The following OLFML2B variants were observed in gnomAD, a reference collection of about 807,000 sequenced individuals.
OLFML2B encodes the protein olfactomedin like 2B.
OLFML2B carries 57 observed loss-of-function variants against 74.9 expected under a neutral mutation model. The ratio of observed to expected loss-of-function variants is 0.76; its 90% CI spans 0.61 to 0.95. OLFML2B has a LOEUF of 0.95. OLFML2B is among the 40% of genes least tolerant of loss of function. The pLI is 0.00. For missense variants in OLFML2B, 986 were observed against 970.6 expected, an observed-to-expected ratio of 1.02 and a Z score of -0.21; for synonymous variants, 388 against 405.8, an observed-to-expected ratio of 0.96 and a Z score of 0.53.
chr1:162,022,980 A>C (rs184111868), intron 1 of OLFML2B, among the ~76,000 whole-genome samples: 1 of 152,190 alleles, frequency 6.6e-6, no homozygotes, highest in African/African-American at 2.4e-5. Flanking sequence ...AACCAAAAAC[A>C]ACTTTGTTTT....
chr1:162,006,711 A>C (rs1690244749), intron 3 of OLFML2B, among the ~76,000 whole-genome samples: 1 of 152,214 alleles, frequency 6.6e-6, no homozygotes, highest in Non-Finnish European at 1.5e-5. Context: ...AATACTGCCC[A>C]AACTACCATA....
chr1:161,989,018 T>C (rs184901286), intron 6 of OLFML2B, among the ~76,000 whole-genome samples: 1 of 152,308 alleles, frequency 6.6e-6, no homozygotes, highest in East Asian at 1.9e-4. Context: ...AACTCAGCAC[T>C]GAGTAACATC....
Position 161,997,816 on chromosome 1 carries a change from T to C in OLFML2B, c.1474+9A>G, listed in dbSNP as rs755139709. 1.9e-6 allele frequency: 3 copies of C among 1,603,200 alleles called. No homozygotes were observed. The African/African-American group carries it at 4.0e-5, about 21-fold the overall frequency. ...ATCAGGAGACCAAGGCCAGGTACAA[T>C]GAACTTACCTATGACATTCCGGATG... On this transcript the variant is annotated intron_variant, in intron 6 of 7. Coordinates refer to ENST00000294794, the MANE Select transcript of OLFML2B (RefSeq NM_015441.3).
chr1:161,989,191 A>G (rs950220800), intron 6 of OLFML2B, among the ~76,000 whole-genome samples: 3 of 152,138 alleles, frequency 2.0e-5, no homozygotes, highest in African/African-American at 7.2e-5. Flanking sequence ...ACATCTTCTT[A>G]AACCCTTAAT....
In OLFML2B at chr1:162,006,288, G is replaced by A. The variant is rs1571301957; in HGVS notation, c.723+9C>T. On this transcript the variant is annotated intron_variant, in intron 4 of 7. Coordinates refer to ENST00000294794, the MANE Select transcript of OLFML2B (RefSeq NM_015441.3). ...TGTGATCAGAGGCCCTTGGAGGCTG[G>A]GGCTATACCTCTGGGTGGGCGTAGG... is the stretch of plus-strand genomic sequence containing the variant. 6.4e-7 allele frequency: 1 copy of A among 1,557,408 alleles called. No homozygotes were observed. The highest frequency in any genetic ancestry group is 2.3e-5 in the East Asian group (1 of 43,902).
intron 6 of OLFML2B, among the ~76,000 whole-genome samples, chr1:161,993,983 C>T (rs540169785): frequency 2.0e-5 from 3 of 152,360 alleles, no homozygotes; most frequent in East Asian, 1.9e-4. Flanking sequence ...TACTAGATGA[C>T]TCTTTATCCT....
rs563429591 is a variant in OLFML2B, at chr1:162,009,850, G to A, written c.547-3377C>T. ...GGACTCTGCGCTTCTCACACCAAAG[G>A]CCTTTGGTGAGGCGATTCTCAGGAG... is the stretch of plus-strand genomic sequence containing the variant. On this transcript the variant is annotated intron_variant, in intron 3 of 7. Transcript: ENST00000294794. 7.2e-5 allele frequency among the ~76,000 whole-genome samples: 11 copies of A among 152,262 alleles called. No homozygotes were observed. In the South Asian group the frequency reaches 2.3e-3, roughly 32 times the overall value.
At chr1:161,990,762 T>C (rs528799660) in intron 6 of OLFML2B, among the ~76,000 whole-genome samples, 2 of 152,236 alleles carry the variant, frequency 1.3e-5, no homozygotes, top group African/African-American at 2.4e-5. Flanking sequence ...TAGTGTGTGA[T>C]GCTGTTTGAT....
rs1690647206 is a variant in OLFML2B, at chr1:162,019,919, C to G, written c.438G>C (p.Lys146Asn). 1 of 1,613,966 alleles carries G rather than the reference C, an allele frequency of 6.2e-7. No homozygotes were observed. The highest frequency in any genetic ancestry group is 1.3e-5 in the African/African-American group (1 of 74,932). The part of the protein sequence containing the change: ...KLREADSQDL[K>N]LSTIIDMLEG... ...GGCATTGCCCCATACCAGGTCCTACCTTCAAGTCCTGGCTGTCTGCCTCCC... is the reference window on the plus strand; with the variant it reads ...GGCATTGCCCCATACCAGGTCCTACGTTCAAGTCCTGGCTGTCTGCCTCCC... The change falls in exon 2 of 8, where the codon AAG (lysine) becomes AAC (asparagine). Residue 146 changes from lysine (K) to asparagine (N), a missense_variant and splice_region_variant. Lys to Asn is a moderately conservative substitution (Grantham distance 94, BLOSUM62 0). Transcript: ENST00000294794.
rs774809445 is a variant in OLFML2B, at chr1:161,998,028, G to A, written c.1271C>T (p.Thr424Ile). The A allele has an allele frequency of 9.6e-5, 155 of 1,614,040 alleles. No individual in the cohort carries two copies. Among genetic ancestry groups the A allele is most frequent in the Non-Finnish European group, 1.3e-4 (150 of 1,180,020 alleles). ...PQVPATTVAH[T>I]ATQQPAAPAP... ...TGGGGCTGCTGGTTGCTGGGTGGCT[G>A]TGTGGGCCACAGTGGTGGCTGGTAC... The change falls in exon 6 of 8, where the codon ACA (threonine) becomes ATA (isoleucine). Residue 424 changes from threonine to isoleucine, a missense_variant. Physicochemically the swap from Thr to Ile is moderately conservative, Grantham distance 89 (BLOSUM62 -1). Coordinates refer to ENST00000294794, the MANE Select transcript of OLFML2B (RefSeq NM_015441.3).
intron 6 of OLFML2B, among the ~76,000 whole-genome samples, chr1:161,997,592 A>G (rs911366256): frequency 3.8e-4 from 58 of 152,236 alleles, no homozygotes; most frequent in African/African-American, 1.2e-3. Context: ...TCTTGACTCC[A>G]TTAATTTATA....
chr1:161,988,711 C>T (rs1689656075), intron 6 of OLFML2B, among the ~76,000 whole-genome samples: 1 of 152,000 alleles, frequency 6.6e-6, no homozygotes, highest in Admixed American at 6.5e-5. Context: ...CTCTGGAGTT[C>T]CACCTTCAGC....
chr1:161,997,724 A>C, intron 6 of OLFML2B, 101 bp downstream of exon 6: 1 of 1,271,202 alleles, frequency 7.9e-7, no homozygotes, highest in Non-Finnish European at 1.1e-6. Context: ...CCCATAAAGA[A>C]CTTTGACCAT....
chr1:162,016,034 T>G (rs1690525186), intron 3 of OLFML2B, among the ~76,000 whole-genome samples: 1 of 152,196 alleles, frequency 6.6e-6, no homozygotes. Context: ...CAAGGGCGGG[T>G]GGAAAAGGAA....
intron 3 of OLFML2B, among the ~76,000 whole-genome samples, chr1:162,012,545 G>A (rs1385156000): frequency 6.6e-6 from 1 of 152,188 alleles, no homozygotes; most frequent in East Asian, 1.9e-4. Context: ...CAGGAGAAAA[G>A]TCTTCAGCTG....
intron 1 of OLFML2B, among the ~76,000 whole-genome samples, chr1:162,021,106 A>G (rs1009903597): frequency 7.2e-5 from 11 of 152,206 alleles, no homozygotes; most frequent in East Asian, 1.9e-4. Flanking sequence ...AGCGGCTCCA[A>G]CTGGAAGCCA....
In OLFML2B at chr1:161,984,239, C is replaced by T. The variant is rs747476209; in HGVS notation, c.1689G>A (p.Trp563Ter). Residue 563 changes from tryptophan to a stop codon, truncating the protein, a stop_gained, in exon 8 of 8, where the codon TGG becomes TGA. Coordinates refer to ENST00000294794, the MANE Select transcript of OLFML2B (RefSeq NM_015441.3). LOFTEE classifies it high-confidence loss of function. ...WSNSYKLPYS[W>*]IGTGHVVYNG... The stretch of plus-strand genomic sequence containing the variant: ...TGTATACCACGTGGCCTGTGCCGAT[C>T]CAGCTGTACGGGAGCTTGTAGGAAT... 14 of 1,535,330 alleles carry T rather than the reference C, an allele frequency of 9.1e-6. No homozygotes were observed. In the South Asian group the frequency reaches 1.8e-4, roughly 20 times the overall value.
intron 6 of OLFML2B, among the ~76,000 whole-genome samples, chr1:161,990,711 G>T (rs12041196): frequency 0.054 from 8,253 of 152,190 alleles, 378 homozygotes; most frequent in African/African-American, 0.12. Flanking sequence ...AATGAAGTTT[G>T]CTGCATCAAT....
chr1:161,998,094 G>A lies in OLFML2B; in HGVS notation c.1205C>T (p.Pro402Leu). ...CAGGACTGACTCCCTTGTGGGATCT[G>A]GAGACACCGAGGTTGTTTGGAGTGT... The part of the protein sequence containing the change: ...GPTLQTTSVS[P>L]DPTRESVLQP... The change falls in exon 6 of 8, where the codon CCA becomes CTA. Residue 402 changes from proline to leucine, a missense_variant. Transcript: ENST00000294794. 6.2e-7 allele frequency: 1 copy of A among 1,613,980 alleles called. No individual in the cohort carries two copies. Among genetic ancestry groups the A allele is most frequent in the Non-Finnish European group, 8.5e-7 (1 of 1,180,026 alleles).
Sources: allele counts gnomAD v4.1 joint callset (sites outside exome capture counted in the v4.1 genomes callset), GRCh38; gene constraint gnomAD v4.1.1; transcripts MANE v1.5; gene names NCBI Gene and HGNC (gene_info 2026-07-23, HGNC 2026-07-21).